ZFAND3: variants seen among roughly 807,000 people sequenced by gnomAD.
ZFAND3 encodes the protein zinc finger AN1-type containing 3, also known as AN1-type zinc finger protein 3.
A neutral mutation model predicts 29.6 loss-of-function variants in ZFAND3; 10 were observed. The observed-to-expected ratio is 0.34, with a 90% confidence interval of 0.21 to 0.57. The LOEUF is 0.57. Ranked by LOEUF, ZFAND3 falls within the 20% of genes least tolerant of loss-of-function variation. The probability of loss-of-function intolerance (pLI) is 0.86; values close to 1 mark genes in which losing one functional copy is unlikely to be tolerated. For missense variants in ZFAND3, 230 were observed against 304.5 expected, an observed-to-expected ratio of 0.76 and a Z score of 1.82; for synonymous variants, 128 against 112.6, an observed-to-expected ratio of 1.14 and a Z score of -0.87.
At chr6:37,938,319 A>G (rs904256625) in intron 2 of ZFAND3, among the ~76,000 whole-genome samples, 3 of 152,214 alleles carry the variant, frequency 2.0e-5, no homozygotes, top group African/African-American at 7.2e-5. Context: ...TGTGCCAGTG[A>G]AAATACTAAT....
chr6:38,002,703 A>G (rs1020636833), intron 2 of ZFAND3: 16 of 152,146 alleles, frequency 1.1e-4, no homozygotes, highest in African/African-American at 3.4e-4. Context: ...AAAACACCCT[A>G]TGATAGTCCA....
At chr6:37,968,760 T>A (rs1325477709) in intron 2 of ZFAND3, among the ~76,000 whole-genome samples, 1 of 152,158 alleles carries the variant, frequency 6.6e-6, no homozygotes, top group African/African-American at 2.4e-5. Flanking sequence ...AAACTCCTGG[T>A]CTCAATTAAG....
chr6:37,967,860 C>T (rs536234205), intron 2 of ZFAND3, among the ~76,000 whole-genome samples: 1 of 152,118 alleles, frequency 6.6e-6, no homozygotes, highest in Non-Finnish European at 1.5e-5. Flanking sequence ...GACACTTCCC[C>T]TTTTTTGATG....
At chr6:38,072,144 C>G (rs201639933) in intron 3 of ZFAND3, among the ~76,000 whole-genome samples, 1 of 147,406 alleles carries the variant, frequency 6.8e-6, no homozygotes, top group African/African-American at 2.4e-5. Context: ...GTTTCTCTCT[C>G]TCTCTCTCTC....
chr6:38,088,586 A>G (rs1471324401), intron 4 of ZFAND3, among the ~76,000 whole-genome samples: 1 of 152,208 alleles, frequency 6.6e-6, no homozygotes, highest in Non-Finnish European at 1.5e-5. Flanking sequence ...TTTTCATTTT[A>G]TAGTCCTTTT....
In ZFAND3 at chr6:37,896,568, TTCTC is replaced by T. The variant is rs1168638603; in HGVS notation, c.72-33387_72-33384del. Among the ~76,000 whole-genome samples, 332 of 145,674 alleles carry T rather than the reference TTCTC, an allele frequency of 2.3e-3. 1 individual carries two copies. Among genetic ancestry groups the T allele is most frequent in the African/African-American group, 7.7e-3 (302 of 39,322 alleles). On this transcript the variant is annotated intron_variant, in intron 1 of 5. Transcript: ENST00000287218. ...TTTCTTTCTTTCTTTCTTTCTTTCT[TTCTC>T]TCTTTCTCTCTCTTTCTCTTTTTCT...
intron 2 of ZFAND3, among the ~76,000 whole-genome samples, chr6:38,044,895 C>G (rs1436683796): frequency 6.6e-6 from 1 of 152,004 alleles, no homozygotes. Context: ...GGAAATTGTA[C>G]TGCTTTTGTT....
intron 2 of ZFAND3, among the ~76,000 whole-genome samples, chr6:37,998,281 G>A (rs1762886649): frequency 1.3e-5 from 2 of 152,188 alleles, no homozygotes; most frequent in African/African-American, 2.4e-5. Flanking sequence ...ATCAGTGGTT[G>A]CCATGAGTTC....
intron 2 of ZFAND3, among the ~76,000 whole-genome samples, chr6:38,041,571 T>C (rs1054623499): frequency 2.6e-5 from 4 of 151,482 alleles, no homozygotes; most frequent in African/African-American, 7.3e-5. Context: ...ATTTGGCTCC[T>C]GGGCATCCCT....
chr6:38,073,384 ATGT>A (rs976122571), intron 3 of ZFAND3, among the ~76,000 whole-genome samples: 1 of 152,012 alleles, frequency 6.6e-6, no homozygotes, highest in Non-Finnish European at 1.5e-5. Context: ...GTCTCCATTA[ATGT>A]TGTTATGAGA....
At chr6:37,976,887 G>A (rs1036298600) in intron 2 of ZFAND3, among the ~76,000 whole-genome samples, 2 of 152,076 alleles carry the variant, frequency 1.3e-5, no homozygotes, top group Admixed American at 1.3e-4. Flanking sequence ...GACACGTGGG[G>A]ATTACAATTT....
chr6:37,964,587 C>T (rs17648055), intron 2 of ZFAND3, among the ~76,000 whole-genome samples: 9,834 of 152,184 alleles, frequency 0.065, 434 homozygotes, highest in Non-Finnish European at 0.093. Context: ...CCCAATGAGA[C>T]GTATGTATTC....
chr6:38,151,852 G>A (rs1297921849), intron 5 of ZFAND3, among the ~76,000 whole-genome samples: 1 of 152,052 alleles, frequency 6.6e-6, no homozygotes. Context: ...GCATCCTGTG[G>A]TGGAAATCAC....
At chr6:37,966,906 T>C (rs983903945) in intron 2 of ZFAND3, among the ~76,000 whole-genome samples, 1 of 152,206 alleles carries the variant, frequency 6.6e-6, no homozygotes, top group African/African-American at 2.4e-5. Flanking sequence ...AAACCAGTTA[T>C]AAGTTGTATT....
intron 1 of ZFAND3, among the ~76,000 whole-genome samples, chr6:37,887,217 G>A (rs1205909420): frequency 6.6e-6 from 1 of 152,102 alleles, no homozygotes. Flanking sequence ...TGAAAGCAGT[G>A]AAATTACAGA....
At chr6:38,064,220 A>G (rs563311523) in intron 3 of ZFAND3, among the ~76,000 whole-genome samples, 34 of 152,374 alleles carry the variant, frequency 2.2e-4, no homozygotes, top group Non-Finnish European at 3.8e-4. Flanking sequence ...GGATTCGTGC[A>G]TACCAGGATC....
At chr6:37,858,569 A>G (rs897010913) in intron 1 of ZFAND3, among the ~76,000 whole-genome samples, 1 of 152,216 alleles carries the variant, frequency 6.6e-6, no homozygotes, top group Non-Finnish European at 1.5e-5. Flanking sequence ...TTGCAAATAT[A>G]TAACAAAAGA....
At chr6:37,891,345 C>T (rs1400889361) in intron 1 of ZFAND3, among the ~76,000 whole-genome samples, 4 of 149,894 alleles carry the variant, frequency 2.7e-5, no homozygotes, top group African/African-American at 5.0e-5. Context: ...GTTGTTTCAA[C>T]GTAGAGCACC....
chr6:37,847,812 A>G (rs184406639), intron 1 of ZFAND3, among the ~76,000 whole-genome samples: 17 of 152,330 alleles, frequency 1.1e-4, no homozygotes, highest in Admixed American at 2.6e-4. Context: ...TTGGAAAAGT[A>G]TTTTTGTGTG....
Sources: allele counts gnomAD v4.1 joint callset (sites outside exome capture counted in the v4.1 genomes callset), GRCh38; gene constraint gnomAD v4.1.1; transcripts MANE v1.5; gene names NCBI Gene and HGNC (gene_info 2026-07-23, HGNC 2026-07-21).